Variants in UMAD1 observed in about 807,000 individuals in gnomAD.
UMAD1 encodes the protein UBAP1-MVB12-associated (UMA) domain containing 1.
A neutral mutation model predicts 6.1 loss-of-function variants in UMAD1; 8 were observed. That is an observed-to-expected ratio of 1.30 (90% confidence interval 0.76 to 2.35). The LOEUF (loss-of-function observed/expected upper bound fraction) is 2.35. Among genes scored for constraint, UMAD1 ranks in the 30% most tolerant of loss-of-function variants. The pLI, the probability that UMAD1 is intolerant of heterozygous loss-of-function variation, is 0.00. For synonymous variants in UMAD1, 56 were observed against 31.4 expected (o/e 1.78, Z -2.61); for missense variants, 130 against 78.4 (o/e 1.66, Z -2.49).
At chr7:7,764,278 A>C (rs1374752845) in intron 2 of UMAD1, among the ~76,000 whole-genome samples, 2 of 152,222 alleles carry the variant, frequency 1.3e-5, no homozygotes, top group African/African-American at 2.4e-5. Flanking sequence ...TCTTATATCA[A>C]CTTAAGAATG....
At chr7:7,816,285 C>T (rs984619290) in intron 3 of UMAD1, among the ~76,000 whole-genome samples, 1 of 152,222 alleles carries the variant, frequency 6.6e-6, no homozygotes, top group Non-Finnish European at 1.5e-5. Flanking sequence ...CCTGTCTCCA[C>T]TATATAAATA....
chr7:7,706,469 A>G (rs988486755), intron 2 of UMAD1, among the ~76,000 whole-genome samples: 1 of 152,200 alleles, frequency 6.6e-6, no homozygotes, highest in Non-Finnish European at 1.5e-5. Flanking sequence ...CCTATATAAC[A>G]ATGCTAACAA....
chr7:7,831,001 A>T (rs1783454164), intron 3 of UMAD1, among the ~76,000 whole-genome samples: 1 of 152,306 alleles, frequency 6.6e-6, no homozygotes, highest in East Asian at 1.9e-4. Context: ...ATAAAAATCA[A>T]TGCTTGTATT....
chr7:7,837,687 C>T (rs1414826987), intron 3 of UMAD1, among the ~76,000 whole-genome samples: 2 of 149,040 alleles, frequency 1.3e-5, no homozygotes, highest in Non-Finnish European at 3.0e-5. Context: ...GAAAGGGAGA[C>T]GAAGCATAAC....
intron 2 of UMAD1, among the ~76,000 whole-genome samples, chr7:7,680,872 GA>G (rs1342972298): frequency 2.0e-5 from 3 of 151,324 alleles, no homozygotes; most frequent in Admixed American, 6.6e-5. Flanking sequence ...AAATGCTATT[GA>G]TTTTTGTATG....
chr7:7,874,560 T>G (rs1239091227), intron 3 of UMAD1, among the ~76,000 whole-genome samples: 3 of 152,116 alleles, frequency 2.0e-5, no homozygotes, highest in Non-Finnish European at 4.4e-5. Context: ...CTCACGCCTG[T>G]AATCCCAGCA....
At chr7:7,827,120 A>G (rs1171101983) in intron 3 of UMAD1, among the ~76,000 whole-genome samples, 1 of 88,846 alleles carries the variant, frequency 1.1e-5, no homozygotes, top group African/African-American at 5.3e-5. Context: ...CTCACAGTCC[A>G]GGATATATAT....
chr7:7,724,910 C>G (rs1781112572), intron 2 of UMAD1, among the ~76,000 whole-genome samples: 1 of 152,148 alleles, frequency 6.6e-6, no homozygotes, highest in South Asian at 2.1e-4. Flanking sequence ...TTGGAGAGAA[C>G]TTGATTGCTT....
chr7:7,814,227 G>A (rs1255587357), intron 3 of UMAD1, among the ~76,000 whole-genome samples: 2 of 152,016 alleles, frequency 1.3e-5, no homozygotes, highest in East Asian at 1.9e-4. Flanking sequence ...TTTGTGATCC[G>A]CCTGCCTCAG....
intron 2 of UMAD1, among the ~76,000 whole-genome samples, chr7:7,785,342 A>T (rs945665927): frequency 6.6e-6 from 1 of 152,216 alleles, no homozygotes; most frequent in Admixed American, 6.5e-5. Flanking sequence ...AATGTTCAAG[A>T]CACACAGAGT....
At chr7:7,844,141 G>A (rs570794314) in intron 3 of UMAD1, among the ~76,000 whole-genome samples, 6 of 152,272 alleles carry the variant, frequency 3.9e-5, no homozygotes, top group African/African-American at 1.4e-4. Flanking sequence ...CACTCTGGTC[G>A]CCTCTTCTTT....
At chr7:7,870,126 A>G (rs1583885713) in intron 3 of UMAD1, among the ~76,000 whole-genome samples, 1 of 152,248 alleles carries the variant, frequency 6.6e-6, no homozygotes, top group Non-Finnish European at 1.5e-5. Context: ...AGGTTAACTG[A>G]TGAACAAGAA....
At chr7:7,687,108 T>C (rs1191326336) in intron 2 of UMAD1, 1 of 152,204 alleles carries the variant, frequency 6.6e-6, no homozygotes, top group Non-Finnish European at 1.5e-5. Flanking sequence ...TATTTTATTA[T>C]GTGATTTGCG....
intron 3 of UMAD1, among the ~76,000 whole-genome samples, chr7:7,849,075 T>A (rs1291019623): frequency 6.6e-6 from 1 of 152,178 alleles, no homozygotes; most frequent in Non-Finnish European, 1.5e-5. Context: ...GATGGACATG[T>A]TCAAATTTCA....
intron 2 of UMAD1, among the ~76,000 whole-genome samples, chr7:7,750,804 C>T (rs781079941): frequency 3.5e-4 from 54 of 152,250 alleles, no homozygotes; most frequent in African/African-American, 1.3e-3. Flanking sequence ...CTGCAGAGTG[C>T]TCTTAACTGT....
At chr7:7,718,135 G>A (rs945987679) in intron 2 of UMAD1, among the ~76,000 whole-genome samples, 1 of 152,144 alleles carries the variant, frequency 6.6e-6, no homozygotes, top group Non-Finnish European at 1.5e-5. Context: ...AGATAAGAAA[G>A]TAAAACTGGT....
Position 7,811,517 on chromosome 7 carries a change from A to G in UMAD1, c.156+9774A>G, listed in dbSNP as rs556535296. On this transcript the variant is annotated intron_variant, in intron 3 of 3. Coordinates refer to ENST00000682710, the MANE Select transcript of UMAD1 (RefSeq NM_001302348.2). ...CTTAGCTCACTAAGTATGATCTAGG[A>G]TATGTTGCTGAGATTTCTTCAACTT... Among the ~76,000 whole-genome samples the G allele has an allele frequency of 7.9e-5, 12 of 152,288 alleles. No individual in the cohort carries two copies. In the South Asian group the frequency reaches 2.1e-3, roughly 26 times the overall value.
At chr7:7,852,248 C>T (rs1000090822) in intron 3 of UMAD1, among the ~76,000 whole-genome samples, 3 of 152,214 alleles carry the variant, frequency 2.0e-5, no homozygotes, top group Non-Finnish European at 1.5e-5. Context: ...CTCACATCAA[C>T]ATAACAGCAG....
chr7:7,717,521 G>C (rs1780948799), intron 2 of UMAD1, among the ~76,000 whole-genome samples: 1 of 152,150 alleles, frequency 6.6e-6, no homozygotes, highest in South Asian at 2.1e-4. Context: ...TTATTGTTTT[G>C]AAGTAAAATG....
Sources: gnomAD v4.1 joint callset for allele counts (sites outside exome capture counted in the v4.1 genomes callset) on GRCh38, gnomAD v4.1.1 for gene constraint, MANE v1.5 for transcripts, NCBI Gene and HGNC (gene_info 2026-07-23, HGNC 2026-07-21) for gene names.